MAST1: variants seen among roughly 807,000 people sequenced by gnomAD.
The protein encoded by MAST1 is microtubule associated serine/threonine kinase 1.
MAST1 carries 40 observed loss-of-function variants against 124.6 expected under a neutral mutation model. The observed-to-expected ratio is 0.32, with a 90% CI of 0.25 to 0.42. The LOEUF (loss-of-function observed/expected upper bound fraction) is 0.42, where lower values mean the gene tolerates loss of function less well. Ranked by LOEUF, MAST1 falls within the 10% of genes least tolerant of loss-of-function variation. The pLI, the probability that MAST1 is intolerant of heterozygous loss-of-function variation, is 1.00. For missense variants in MAST1, 1,558 were observed against 2,181.9 expected (o/e 0.71, Z 5.70); for synonymous variants, 938 against 939.4 (o/e 1.00, Z 0.03).
rs750041362 is a variant in MAST1, at chr19:12,874,539, A to G, written c.4382A>G (p.Gln1461Arg). The change falls in exon 26 of 26, where the codon CAG becomes CGG. Residue 1461 changes from glutamine to arginine, a missense_variant. Transcript: ENST00000251472. This position sits in a 1 kb window ranked among gnomAD's most constrained non-coding sequence, Gnocchi z 6.6. Reference sequence around the variant, plus strand: ...CTGGGCGCGGACTCCAAGGGGTTGCAGGAACCCGCACCCCTGGCGCCTTCC... The same window carrying G: ...CTGGGCGCGGACTCCAAGGGGTTGCGGGAACCCGCACCCCTGGCGCCTTCC... ...QPLGADSKGL[Q>R]EPAPLAPSVP... is the part of the protein sequence containing the mutation. The G allele has an allele frequency of 1.3e-6, 2 of 1,519,222 alleles. No homozygotes were observed. Among genetic ancestry groups the G allele is most frequent in the Non-Finnish European group, 1.8e-6 (2 of 1,137,802 alleles). 94.1% of individuals were successfully genotyped at this position (1,519,222 alleles called of 1,614,324 possible).
rs1970150805 is a variant in MAST1 at position 12,866,172 on chromosome 19, A to G, written c.2029+70A>G. 5 of 1,598,484 alleles carry G rather than the reference A, an allele frequency of 3.1e-6. No homozygotes were observed. Among genetic ancestry groups the G allele is most frequent in the Non-Finnish European group, 4.3e-6 (5 of 1,174,580 alleles). ...CGGGAAGAGGGACCCTGGGGTAAGT[A>G]AAGCCTGGGATAGGGCCTGGCTAAG... On this transcript the variant is annotated intron_variant, in intron 17 of 25. Coordinates refer to ENST00000251472, the MANE Select transcript of MAST1 (RefSeq NM_014975.3). This position sits in a 1 kb window ranked among gnomAD's most constrained non-coding sequence, Gnocchi z 5.2.
rs200207566 is a variant in MAST1 at position 12,865,185 on chromosome 19, G to A, written c.1638+7G>A. ...AGAGTTCCTGGACAAACAGGTGTGTGTGCGGGCATGGGGGTCGCTGAGGGT... is the reference window on the plus strand; with the variant it reads ...AGAGTTCCTGGACAAACAGGTGTGTATGCGGGCATGGGGGTCGCTGAGGGT... On this transcript the variant is annotated splice_region_variant and intron_variant, in intron 14 of 25. Coordinates refer to ENST00000251472, the MANE Select transcript of MAST1 (RefSeq NM_014975.3). The surrounding 1 kb of genome is among the most constrained non-coding windows in gnomAD (Gnocchi z 7.1). 4.1e-4 allele frequency: 656 copies of A among 1,613,328 alleles called. No individual in the cohort carries two copies. The highest frequency in any genetic ancestry group is 4.0e-4 in the Non-Finnish European group (466 of 1,179,618).
At position 12,871,084 on chromosome 19, in the gene MAST1, A is replaced by C. The variant is rs763368654; in HGVS notation, c.3175A>C (p.Ile1059Leu). The C allele has an allele frequency of 1.2e-6, 2 of 1,614,156 alleles. No individual in the cohort carries two copies. Among genetic ancestry groups the C allele is most frequent in the Non-Finnish European group, 1.7e-6 (2 of 1,180,030 alleles). The change falls in exon 24 of 26, where the codon ATC becomes CTC. Residue 1059 changes from isoleucine to leucine, a missense_variant. Physicochemically the swap from Ile to Leu is conservative, Grantham distance 5. Around this residue, in one of 10 missense-constraint regions of MAST1, gnomAD observed 291 missense variants for 475.8 expected, o/e 0.61. Coordinates refer to ENST00000251472, the MANE Select transcript of MAST1 (RefSeq NM_014975.3). ...VTTTPFENTS[I>L]RIGPARRSSY... Reference sequence around the variant, plus strand: ...CACAACGCCCTTCGAAAATACCTCTATCCGCATTGGTCCCGCAAGGCGCAG... The same window carrying C: ...CACAACGCCCTTCGAAAATACCTCTCTCCGCATTGGTCCCGCAAGGCGCAG...
At chr19:12,871,284 T>C (rs937013353) in intron 24 of MAST1, 112 bp downstream of exon 24, 1 of 1,474,994 alleles carries the variant, frequency 6.8e-7, no homozygotes, top group African/African-American at 1.4e-5. Flanking sequence ...CGGGAACAAA[T>C]GACCAACAAG....
Position 12,852,123 on chromosome 19 carries a change from C to A in MAST1, c.885C>A (p.Asn295Lys). 1 of 1,613,798 alleles carries A rather than the reference C, an allele frequency of 6.2e-7. No individual in the cohort carries two copies. Among genetic ancestry groups the A allele is most frequent in the Non-Finnish European group, 8.5e-7 (1 of 1,179,864 alleles). ...PARLLECLEF[N>K]PEEFYHLLEA... ...CTCCTGCCCTGCCTCAGGAATTCAA[C>A]CCCGAGGAGTTCTACCACCTGCTGG... Residue 295 changes from asparagine (N) to lysine (K), a missense_variant, in exon 9 of 26, where the codon AAC becomes AAA. Coordinates refer to ENST00000251472, the MANE Select transcript of MAST1 (RefSeq NM_014975.3).
rs1458484273 is a variant in MAST1, at chr19:12,847,228, AG to A, written c.328-59del. On this transcript the variant is annotated intron_variant, in intron 4 of 25. Transcript: ENST00000251472. The surrounding 1 kb of genome is among the most constrained non-coding windows in gnomAD (Gnocchi z 5.5). The stretch of plus-strand genomic sequence containing the variant: ...CCATCGGCTTTGGGAGTCCCAGCTC[AG>A]GGTCCTGAGCTGTTGGGGGGCCCAT... The A allele has an allele frequency of 3.5e-6, 4 of 1,143,244 alleles. No homozygotes were observed. Among genetic ancestry groups the A allele is most frequent in the Non-Finnish European group, 5.1e-6 (4 of 782,250 alleles). The allele number at this position is 1,143,244 out of a possible 1,614,324, so 70.8% of individuals were successfully genotyped here.
rs1416953014 is a variant in MAST1, at chr19:12,847,805, C to T, written c.565-43C>T. 6.3e-7 allele frequency: 1 copy of T among 1,583,072 alleles called. No homozygotes were observed. The highest frequency in any genetic ancestry group is 8.6e-7 in the Non-Finnish European group (1 of 1,161,918). ...CAGCGCAGGCTCCTGGCGGCCGCAG[C>T]CTTCGGGCACAGCCCCGCGCCCCTC... is the stretch of plus-strand genomic sequence containing the variant. On this transcript the variant is annotated intron_variant, in intron 6 of 25. Coordinates refer to ENST00000251472, the MANE Select transcript of MAST1 (RefSeq NM_014975.3). The surrounding 1 kb of genome is among the most constrained non-coding windows in gnomAD (Gnocchi z 5.5).
At position 12,838,542 on chromosome 19, in the gene MAST1, G is replaced by T. The variant is rs1317915715; in HGVS notation, c.-31G>T. On this transcript the variant is annotated 5_prime_UTR_variant, in exon 1 of 26. Coordinates refer to ENST00000251472, the MANE Select transcript of MAST1 (RefSeq NM_014975.3). This position sits in a 1 kb window ranked among gnomAD's most constrained non-coding sequence, Gnocchi z 4.3. ...CGCCGCCGCCTCCGCCGCTGCTGCC[G>T]CACCTGCCACCATGTCGCCGCCGCC... The T allele has an allele frequency of 6.7e-6, 10 of 1,483,072 alleles. No individual in the cohort carries two copies. The Admixed American group carries it at 1.6e-4, about 24-fold the overall frequency. The allele number at this position is 1,483,072 out of a possible 1,614,324, so 91.9% of individuals were successfully genotyped here.
chr19:12,867,782 C>G lies in MAST1; in HGVS notation c.2371C>G (p.Pro791Ala). 6.4e-7 allele frequency: 1 copy of G among 1,562,448 alleles called. No individual in the cohort carries two copies. Among genetic ancestry groups the G allele is most frequent in the Non-Finnish European group, 8.7e-7 (1 of 1,155,394 alleles). Residue 791 changes from proline (P) to alanine (A), a missense_variant, in exon 20 of 26, where the codon CCT (proline) becomes GCT (alanine). By Grantham distance (27) the Pro-to-Ala change is conservative (BLOSUM62 -1). Coordinates refer to ENST00000251472, the MANE Select transcript of MAST1 (RefSeq NM_014975.3). ...TTTCCTGGAGGGAGAGGCCAGTCCC[C>G]CTTTGGGCGCCCGCCGCCGTTTCTC... is the stretch of plus-strand genomic sequence containing the variant. ...ASFLEGEASP[P>A]LGARRRFSAL... is the part of the protein sequence containing the mutation.
intron 3 of MAST1, among the ~76,000 whole-genome samples, chr19:12,842,554 A>G (rs1969843700): frequency 1.3e-5 from 2 of 152,070 alleles, no homozygotes; most frequent in Admixed American, 6.5e-5. Flanking sequence ...CGGCCTCCCA[A>G]AATGCTAGGA....
At position 12,858,663 on chromosome 19, in the gene MAST1, G is replaced by T. The variant is rs950045126; in HGVS notation, c.1290G>T (p.Glu430Asp). ...FVERDILTFA[E>D]NPFVVGMFCS... is the part of the protein sequence containing the mutation. ...AGCGCGATATCCTCACCTTCGCCGA[G>T]AACCCGTTTGTGGTCGGCATGTTCT... The change falls in exon 12 of 26, where the codon GAG becomes GAT. Residue 430 changes from glutamate to aspartate, a missense_variant. Glu to Asp is a conservative substitution (Grantham distance 45, BLOSUM62 2). Around this residue, in one of 10 missense-constraint regions of MAST1, gnomAD observed 145 missense variants for 350.0 expected, o/e 0.41. Coordinates refer to ENST00000251472, the MANE Select transcript of MAST1 (RefSeq NM_014975.3). The T allele has an allele frequency of 1.9e-6, 3 of 1,614,140 alleles. No homozygotes were observed. Among genetic ancestry groups the T allele is most frequent in the Non-Finnish European group, 2.5e-6 (3 of 1,180,056 alleles).
intron 22 of MAST1, among the ~76,000 whole-genome samples, chr19:12,870,180 CAAAAAAAAAAAA>C (rs35731863): frequency 7.5e-4 from 23 of 30,612 alleles, no homozygotes; most frequent in African/African-American, 3.2e-3. Context: ...GACACCATCT[CAAAAAAAAAAAA>C]AAAAAAAAAA....
chr19:12,869,313 G>A lies in MAST1; in HGVS notation c.3003+18G>A. The A allele has an allele frequency of 6.2e-7, 1 of 1,601,168 alleles. No homozygotes were observed. Among genetic ancestry groups the A allele is most frequent in the Non-Finnish European group, 8.5e-7 (1 of 1,171,692 alleles). On this transcript the variant is annotated intron_variant, in intron 22 of 25. Coordinates refer to ENST00000251472, the MANE Select transcript of MAST1 (RefSeq NM_014975.3). ...TTGTCTGGGTGAGTACTCATGGGTG[G>A]AGTCTCCATCACAGAGTGGAGGGTG...
chr19:12,868,929 C>T lies in MAST1; in HGVS notation c.2773+80C>T, dbSNP rs553852231. On this transcript the variant is annotated intron_variant, in intron 21 of 25. Transcript: ENST00000251472. Reference sequence around the variant, plus strand: ...CAGACCAATGAAAATGCTGCATTTTCCCTGTCCACCGTGATTGGCTCCAGG... The same window carrying T: ...CAGACCAATGAAAATGCTGCATTTTTCCTGTCCACCGTGATTGGCTCCAGG... The T allele has an allele frequency of 1.4e-3, 2,236 of 1,545,364 alleles. 4 individuals are homozygous for T. The highest frequency in any genetic ancestry group is 1.8e-3 in the Non-Finnish European group (2,072 of 1,137,154).
Position 12,866,157 on chromosome 19 carries a change from G to A in MAST1, c.2029+55G>A, listed in dbSNP as rs1970150597. 6.3e-7 allele frequency: 1 copy of A among 1,595,838 alleles called. No individual in the cohort carries two copies. Among genetic ancestry groups the A allele is most frequent in the Admixed American group, 1.7e-5 (1 of 58,986 alleles). ...TCGAGGGGTGGGATCCGGGAAGAGG[G>A]ACCCTGGGGTAAGTAAAGCCTGGGA... On this transcript the variant is annotated intron_variant, in intron 17 of 25. Coordinates refer to ENST00000251472, the MANE Select transcript of MAST1 (RefSeq NM_014975.3). The surrounding 1 kb of genome is among the most constrained non-coding windows in gnomAD (Gnocchi z 5.2).
At position 12,843,689 on chromosome 19, in the gene MAST1, C is replaced by A; in HGVS notation, c.327+82C>A. 1.6e-6 allele frequency: 2 copies of A among 1,261,500 alleles called. No homozygotes were observed. Among genetic ancestry groups the A allele is most frequent in the Non-Finnish European group, 2.3e-6 (2 of 883,948 alleles). The allele number at this position is 1,261,500 out of a possible 1,614,324, so 78.1% of individuals were successfully genotyped here. ...GCCTGAAGACCCACACCCAGGCCAG[C>A]AGTCCAGGCTGGGCTTGATGACAGT... On this transcript the variant is annotated intron_variant, in intron 4 of 25. Transcript: ENST00000251472. The surrounding 1 kb of genome is among the most constrained non-coding windows in gnomAD (Gnocchi z 4.9).
At chr19:12,872,981 G>T (rs1014176579) in intron 24 of MAST1, among the ~76,000 whole-genome samples, 1 of 152,150 alleles carries the variant, frequency 6.6e-6, no homozygotes, top group East Asian at 1.9e-4. Context: ...AGTTGGGCGG[G>T]GCCTGAAGTA....
At chr19:12,870,220 T>G (rs1599591738) in intron 22 of MAST1, among the ~76,000 whole-genome samples, 5 of 104,296 alleles carry the variant, frequency 4.8e-5, no homozygotes, top group African/African-American at 7.5e-5. Flanking sequence ...CCAGGCGCGG[T>G]GGCTCACGCC....
At chr19:12,846,289 A>G (rs1420312305) in intron 4 of MAST1, among the ~76,000 whole-genome samples, 1 of 151,032 alleles carries the variant, frequency 6.6e-6, no homozygotes, top group Non-Finnish European at 1.5e-5. Flanking sequence ...CTGGGCTCAA[A>G]TGATCCTCCC....
Sources: gnomAD v4.1 joint callset for allele counts (sites outside exome capture counted in the v4.1 genomes callset) on GRCh38, gnomAD v4.1.1 for gene constraint, gnomAD v4.1.1 regional missense constraint, Gnocchi (gnomAD v3.1) non-coding constraint, MANE v1.5 for transcripts, NCBI Gene and HGNC (gene_info 2026-07-23, HGNC 2026-07-21) for gene names.